Variants in HDLBP observed in about 807,000 individuals in gnomAD.
HDLBP encodes the protein vigilin.
A neutral mutation model predicts 137.3 loss-of-function variants in HDLBP; 30 were observed. The observed-to-expected ratio is 0.22, with a 90% confidence interval of 0.16 to 0.30. The LOEUF (loss-of-function observed/expected upper bound fraction) is 0.30. Ranked by LOEUF, HDLBP falls within the 10% of genes least tolerant of loss-of-function variation. The pLI, the probability that HDLBP is intolerant of heterozygous loss-of-function variation, is 1.00. For missense variants in HDLBP, 1,119 were observed against 1,667.3 expected (o/e 0.67, Z 5.73); for synonymous variants, 606 against 596.0 (o/e 1.02, Z -0.24).
chr2:241,284,808 A>G (rs2074743178), intron 1 of HDLBP, among the ~76,000 whole-genome samples: 1 of 152,214 alleles, frequency 6.6e-6, no homozygotes, highest in Non-Finnish European at 1.5e-5. Flanking sequence ...TCAAAGCGAG[A>G]CCTTCCAGCA....
chr2:241,306,479 G>A (rs1041646329), intron 1 of HDLBP, among the ~76,000 whole-genome samples: 19 of 151,704 alleles, frequency 1.3e-4, no homozygotes, highest in African/African-American at 4.4e-4. Context: ...GGCCAGTCTC[G>A]AACTCCTGAC....
At position 241,240,438 on chromosome 2, in the gene HDLBP, A is replaced by G. The variant is rs1194964581; in HGVS notation, c.2170-316T>C. ...AGCCATTTTTGATCTGCACAGGGGG[A>G]GGTGGGAGCAACGCGCCGGACGATA... On this transcript the variant is annotated intron_variant, in intron 17 of 27. Transcript: ENST00000310931. The surrounding 1 kb of genome is among the most constrained non-coding windows in gnomAD (Gnocchi z 5.5). Among the ~76,000 whole-genome samples, 1 of 151,516 alleles carries G rather than the reference A, an allele frequency of 6.6e-6. No homozygotes were observed. Among genetic ancestry groups the G allele is most frequent in the Non-Finnish European group, 1.5e-5 (1 of 67,682 alleles).
rs1271068489 is a variant in HDLBP at position 241,236,783 on chromosome 2, G to T, written c.2750-14C>A. On this transcript the variant is annotated splice_polypyrimidine_tract_variant and intron_variant, in intron 20 of 27. Transcript: ENST00000310931. Reference sequence around the variant, plus strand: ...CTGTACTGTGAACTAGAGAGAAAGGGGAAAAGGGACAGCTGACAGCTGCTG... The same window carrying T: ...CTGTACTGTGAACTAGAGAGAAAGGTGAAAAGGGACAGCTGACAGCTGCTG... The T allele has an allele frequency of 6.2e-7, 1 of 1,613,118 alleles. No individual in the cohort carries two copies. Among genetic ancestry groups the T allele is most frequent in the Admixed American group, 1.7e-5 (1 of 59,886 alleles).
chr2:241,291,927 C>T (rs557106876), intron 1 of HDLBP, among the ~76,000 whole-genome samples: 5 of 152,246 alleles, frequency 3.3e-5, no homozygotes, highest in South Asian at 2.1e-4. Context: ...CCTGATGGCA[C>T]CCAGATACCC....
chr2:241,257,233 G>A (rs912115772), intron 5 of HDLBP, among the ~76,000 whole-genome samples: 7 of 152,232 alleles, frequency 4.6e-5, no homozygotes, highest in Non-Finnish European at 7.3e-5. Flanking sequence ...TAATGAAAGA[G>A]ATGCGTTTCT....
chr2:241,287,625 A>G (rs1306721945), intron 1 of HDLBP, among the ~76,000 whole-genome samples: 1 of 151,770 alleles, frequency 6.6e-6, no homozygotes, highest in African/African-American at 2.4e-5. Context: ...ATTTTACCAC[A>G]TTGGCCAGGT....
chr2:241,238,532 C>T lies in HDLBP; in HGVS notation c.2749+117G>A, dbSNP rs941028036. On this transcript the variant is annotated intron_variant, in intron 20 of 27. Coordinates refer to ENST00000310931, the MANE Select transcript of HDLBP (RefSeq NM_005336.6). This position sits in a 1 kb window ranked among gnomAD's most constrained non-coding sequence, Gnocchi z 4.9. ...TGAACCTCTGGAAGCCCCCAGAATA[C>T]ATAGATGGTTTTCCAGCAGAGACAG... The T allele has an allele frequency of 1.2e-6, 1 of 825,778 alleles. No homozygotes were observed. The allele number at this position is 825,778 out of a possible 1,614,324, so 51.2% of individuals were successfully genotyped here. A position where few individuals can be genotyped will look rare whatever the true frequency, so the allele number is the denominator to read the frequency against.
chr2:241,236,606 G>A lies in HDLBP; in HGVS notation c.2904+9C>T, dbSNP rs183838084. On this transcript the variant is annotated intron_variant, in intron 21 of 27. Coordinates refer to ENST00000310931, the MANE Select transcript of HDLBP (RefSeq NM_005336.6). ...GGCGGGGGGTGGAGGGGGGCACATG[G>A]ACACATACCTCCAGAGCTTCCTTGG... The A allele has an allele frequency of 5.7e-4, 920 of 1,613,674 alleles. 5 individuals carry two copies. In the African/African-American group the frequency reaches 0.011, roughly 20 times the overall value.
At position 241,253,002 on chromosome 2, in the gene HDLBP, C is replaced by T. The variant is rs967948797; in HGVS notation, c.1327G>A (p.Asp443Asn). Reference sequence around the variant, plus strand: ...ATGAGGTGCCTGTGGAACTTGTGGTCGATGTTGATCTCCACATAGTCCATC... The same window carrying T: ...ATGAGGTGCCTGTGGAACTTGTGGTTGATGTTGATCTCCACATAGTCCATC... ...NRMDYVEINI[D>N]HKFHRHLIGK... Residue 443 changes from aspartate to asparagine, a missense_variant, in exon 11 of 28, where the codon GAC becomes AAC. Around this residue, in one of 4 missense-constraint regions of HDLBP, gnomAD observed 425 missense variants for 693.9 expected, o/e 0.61. Transcript: ENST00000310931. 8 of 1,608,940 alleles carry T rather than the reference C, an allele frequency of 5.0e-6. No homozygotes were observed. In the African/African-American group the frequency reaches 5.3e-5, roughly 11 times the overall value.
chr2:241,258,745 C>T (rs1332683458), intron 5 of HDLBP, among the ~76,000 whole-genome samples: 1 of 151,986 alleles, frequency 6.6e-6, no homozygotes, highest in Non-Finnish European at 1.5e-5. Flanking sequence ...TGCAAGTGGC[C>T]CTTATATATT....
At position 241,249,908 on chromosome 2, in the gene HDLBP, C is replaced by T. The variant is rs1271362034; in HGVS notation, c.1445G>A (p.Arg482His). Residue 482 changes from arginine (R) to histidine (H), a missense_variant, in exon 12 of 28, where the codon CGC becomes CAC. Arg to His is a conservative substitution (Grantham distance 29). This residue lies in a region of HDLBP where 425 missense variants were observed against 693.9 expected (regional missense o/e 0.61). Transcript: ENST00000310931. ...PPDSEKSNLIRIEGDPQGVQQ... is the reference protein window; with the variant it reads ...PPDSEKSNLIHIEGDPQGVQQ... ...CACGCCCTGTGGGTCCCCCTCGATGCGGATCAAATTGCTCTTCTCACTGTC... is the reference window on the plus strand; with the variant it reads ...CACGCCCTGTGGGTCCCCCTCGATGTGGATCAAATTGCTCTTCTCACTGTC... 1.9e-6 allele frequency: 3 copies of T among 1,613,980 alleles called. No individual in the cohort carries two copies. Among genetic ancestry groups the T allele is most frequent in the Non-Finnish European group, 2.5e-6 (3 of 1,179,898 alleles).
intron 1 of HDLBP, among the ~76,000 whole-genome samples, chr2:241,284,045 C>A (rs1057466226): frequency 6.6e-6 from 1 of 152,110 alleles, no homozygotes; most frequent in Non-Finnish European, 1.5e-5. Flanking sequence ...AAAAAGATTC[C>A]TTTCAAAACA....
rs747059404 is a variant in HDLBP at position 241,266,946 on chromosome 2, C to A, written c.-37-40G>T. 7.8e-5 allele frequency: 108 copies of A among 1,390,816 alleles called. No individual in the cohort carries two copies. In the African/African-American group the frequency reaches 1.4e-3, roughly 18 times the overall value. 86.2% of individuals were successfully genotyped at this position (1,390,816 alleles called of 1,614,324 possible). A position where few individuals can be genotyped will look rare whatever the true frequency, so the allele number is the denominator to read the frequency against. On this transcript the variant is annotated intron_variant, in intron 2 of 27. Coordinates refer to ENST00000310931, the MANE Select transcript of HDLBP (RefSeq NM_005336.6). ...AATAAATCAGAAGTCAAAGTACAAC[C>A]CTCAATTATCTATGAGATTGTTAAC... is the stretch of plus-strand genomic sequence containing the variant.
At chr2:241,293,982 T>C (rs2075093913) in intron 1 of HDLBP, among the ~76,000 whole-genome samples, 1 of 150,940 alleles carries the variant, frequency 6.6e-6, no homozygotes, top group Non-Finnish European at 1.5e-5. Context: ...GCAAAATCAG[T>C]TTCTTTGAAA....
chr2:241,273,707 C>T, intron 1 of HDLBP: 1 of 972,908 alleles, frequency 1.0e-6, no homozygotes, highest in African/African-American at 1.8e-5. Context: ...AAGACCGTCC[C>T]ACACAGGGGA....
rs747729419 is a variant in HDLBP at position 241,255,332 on chromosome 2, C to T, written c.1080+42G>A. 2.0e-5 allele frequency: 32 copies of T among 1,562,178 alleles called. No individual in the cohort carries two copies. The Middle Eastern group carries it at 8.7e-4, about 43-fold the overall frequency. The stretch of plus-strand genomic sequence containing the variant: ...AGCTCATCCATGAAGGCCCCGCGGA[C>T]TCCACTCAAAGGAGACACACTTCAT... On this transcript the variant is annotated intron_variant, in intron 8 of 27. Coordinates refer to ENST00000310931, the MANE Select transcript of HDLBP (RefSeq NM_005336.6).
At chr2:241,253,170 C>G (rs1005620742) in intron 10 of HDLBP, 135 bp from the exon 11 acceptor site, 1 of 679,732 alleles carries the variant, frequency 1.5e-6, no homozygotes, top group African/African-American at 1.8e-5. Context: ...GCCCCTGCAT[C>G]TCCCCTGAAA....
At chr2:241,281,289 G>C (rs1188267709) in intron 1 of HDLBP, among the ~76,000 whole-genome samples, 1 of 152,144 alleles carries the variant, frequency 6.6e-6, no homozygotes, top group East Asian at 1.9e-4. Context: ...GGGAGGCAGA[G>C]GTTGCAGTGA....
chr2:241,272,608 G>T lies in HDLBP; in HGVS notation c.-102-4067C>A. ...AGCAGGACACCCGCGGGCGGGGGCC[G>T]CAGCCTGGGGCCCGGGTGGGGGCCG... On this transcript the variant is annotated intron_variant, in intron 1 of 27. Coordinates refer to ENST00000310931, the MANE Select transcript of HDLBP (RefSeq NM_005336.6). This position sits in a 1 kb window ranked among gnomAD's most constrained non-coding sequence, Gnocchi z 5.6. 1 of 981,916 alleles carries T rather than the reference G, an allele frequency of 1.0e-6. No individual in the cohort carries two copies. The highest frequency in any genetic ancestry group is 1.2e-6 in the Non-Finnish European group (1 of 827,856). The allele number at this position is 981,916 out of a possible 1,614,324, so 60.8% of individuals were successfully genotyped here.
Sources: allele counts gnomAD v4.1 joint callset (sites outside exome capture counted in the v4.1 genomes callset), GRCh38; gene constraint gnomAD v4.1.1; regional missense constraint gnomAD v4.1.1; non-coding constraint Gnocchi (gnomAD v3.1); transcripts MANE v1.5; gene names NCBI Gene and HGNC (gene_info 2026-07-23, HGNC 2026-07-21).